The following CCDC14 variants were observed in gnomAD, a reference collection of about 807,000 sequenced individuals.
CCDC14 encodes coiled-coil domain containing 14.
A neutral mutation model predicts 81.4 loss-of-function variants in CCDC14; 71 were observed. That is an observed-to-expected ratio of 0.87 (90% CI 0.72 to 1.06). The LOEUF (loss-of-function observed/expected upper bound fraction) is 1.06, where lower values mean the gene tolerates loss of function less well. CCDC14 is among the 50% of genes least tolerant of loss of function. CCDC14 has a pLI of 0.00. For missense variants in CCDC14, 1,046 were observed against 1,047.3 expected (o/e 1.00, Z 0.02); for synonymous variants, 332 against 364.8 (o/e 0.91, Z 1.03).
intron 9 of CCDC14, among the ~76,000 whole-genome samples, chr3:123,940,134 C>T (rs907041864): frequency 1.3e-5 from 2 of 151,456 alleles, no homozygotes; most frequent in African/African-American, 2.4e-5. Flanking sequence ...AACAGAAAGA[C>T]TTAGGGAAAA....
At chr3:123,937,639 T>G (rs2036123254) in intron 9 of CCDC14, among the ~76,000 whole-genome samples, 2 of 151,950 alleles carry the variant, frequency 1.3e-5, no homozygotes, top group South Asian at 2.1e-4. Context: ...TAATAAGTGT[T>G]TTTTGAAGAA....
chr3:123,956,567 G>T, intron 2 of CCDC14, 140 bp from the exon 3 acceptor site: 1 of 755,726 alleles, frequency 1.3e-6, no homozygotes, highest in South Asian at 2.0e-5. Flanking sequence ...CTGAAGATCA[G>T]AAAGACTGTT....
At chr3:123,931,860 CCCTT>C (rs1355623547) in intron 10 of CCDC14, among the ~76,000 whole-genome samples, 3 of 152,088 alleles carry the variant, frequency 2.0e-5, no homozygotes, top group Non-Finnish European at 2.9e-5. Flanking sequence ...TGAAGAATCT[CCCTT>C]CCACTCCTCC....
intron 9 of CCDC14, among the ~76,000 whole-genome samples, chr3:123,938,690 T>C (rs898003928): frequency 9.9e-5 from 15 of 151,962 alleles, no homozygotes; most frequent in Admixed American, 9.9e-4. Context: ...CTCCAGCATA[T>C]GCAGAGACAA....
Position 123,913,684 on chromosome 3 carries a change from A to C in CCDC14, c.*1095T>G, listed in dbSNP as rs1249238503. 2.0e-6 allele frequency: 2 copies of C among 984,650 alleles called. No homozygotes were observed. Among genetic ancestry groups the C allele is most frequent in the African/African-American group, 1.7e-5 (1 of 57,262 alleles). 61.0% of individuals were successfully genotyped at this position (984,650 alleles called of 1,614,324 possible). A position where few individuals can be genotyped will look rare whatever the true frequency, so the allele number is the denominator to read the frequency against. ...AGCACTAACACCTAAAAAAAAAAAA[A>C]AAACCACCAAAAAAACAAAAAACAC... On this transcript the variant is annotated 3_prime_UTR_variant, in exon 13 of 13. Transcript: ENST00000409697.
At chr3:123,898,649 A>C (rs1344230423) in intron 5 of CCDC14, among the ~76,000 whole-genome samples, 1 of 152,074 alleles carries the variant, frequency 6.6e-6, no homozygotes, top group East Asian at 1.9e-4. Context: ...TGTGAAGTGA[A>C]AAACTTAAGT....
In CCDC14 at chr3:123,956,126, TAA is replaced by T. The variant is rs1055349312; in HGVS notation, c.160-13_160-12del. The T allele has an allele frequency of 6.5e-6, 10 of 1,536,832 alleles. No homozygotes were observed. The highest frequency in any genetic ancestry group is 2.8e-5 in the African/African-American group (2 of 72,176). ...GTGTACAGTTTCAGCCTGTAAGAAA[TAA>T]AGTCATTTAGAATACATTTGTATAT... is the stretch of plus-strand genomic sequence containing the variant. On this transcript the variant is annotated splice_polypyrimidine_tract_variant and intron_variant, in intron 3 of 12. Transcript: ENST00000409697.
At chr3:123,940,365 CT>C (rs2036285153) in intron 9 of CCDC14, among the ~76,000 whole-genome samples, 1 of 151,950 alleles carries the variant, frequency 6.6e-6, no homozygotes, top group Non-Finnish European at 1.5e-5. Context: ...CAATCTCAGT[CT>C]TTCTCCCTGT....
chr3:123,919,329 T>C (rs1203710670), intron 12 of CCDC14, among the ~76,000 whole-genome samples: 1 of 152,162 alleles, frequency 6.6e-6, no homozygotes, highest in Non-Finnish European at 1.5e-5. Flanking sequence ...AGCCTGAGGT[T>C]TTGCCCAGGC....
intron 5 of CCDC14, among the ~76,000 whole-genome samples, chr3:123,951,756 A>G (rs1280614463): frequency 2.0e-5 from 3 of 152,234 alleles, no homozygotes; most frequent in Non-Finnish European, 4.4e-5. Flanking sequence ...GCTGAGCTAC[A>G]TTATGCCTCA....
At chr3:123,890,678 C>T in the CCDC14 span, among the ~76,000 whole-genome samples, 1 of 152,160 alleles carries the variant, frequency 6.6e-6, no homozygotes, top group Non-Finnish European at 1.5e-5. Context: ...TGTGGCTTTG[C>T]AGGATGTAGC....
At chr3:123,899,978 T>C (rs999170915) in intron 5 of CCDC14, among the ~76,000 whole-genome samples, 2 of 152,166 alleles carry the variant, frequency 1.3e-5, no homozygotes, top group African/African-American at 4.8e-5. Flanking sequence ...ATGTCTCTCC[T>C]CTGTGCTCCA....
rs537192179 is a variant in CCDC14, at chr3:123,940,500, T to C, written c.1343+4349A>G. On this transcript the variant is annotated intron_variant, in intron 9 of 12. Coordinates refer to ENST00000409697, the MANE Select transcript of CCDC14 (RefSeq NM_001366335.1). ...GACCTACCTTTGTTCTTGTTGTCTGTTTATTTTAATGCTATGCAAAATCTC... is the reference window on the plus strand; with the variant it reads ...GACCTACCTTTGTTCTTGTTGTCTGCTTATTTTAATGCTATGCAAAATCTC... Among the ~76,000 whole-genome samples the C allele has an allele frequency of 1.9e-3, 289 of 152,084 alleles. 1 individual carries two copies. The highest frequency in any genetic ancestry group is 3.1e-3 in the Non-Finnish European group (208 of 67,914).
chr3:123,943,151 C>CAT (rs1050129642), intron 9 of CCDC14, among the ~76,000 whole-genome samples: 30 of 151,260 alleles, frequency 2.0e-4, no homozygotes, highest in East Asian at 5.8e-4. Context: ...TATACACATA[C>CAT]ATATATATAT....
chr3:123,930,302 G>A lies in CCDC14; in HGVS notation c.1778+800C>T, dbSNP rs780082687. Among the ~76,000 whole-genome samples, 23 of 152,020 alleles carry A rather than the reference G, an allele frequency of 1.5e-4. 1 individual carries two copies. The highest frequency in any genetic ancestry group is 2.9e-4 in the Non-Finnish European group (20 of 67,998). ...GGGGGGAAGTTGAAAATTCAAAATC[G>A]ATCTGTTCATTGGAAACACAAGGAA... On this transcript the variant is annotated intron_variant, in intron 12 of 12. Coordinates refer to ENST00000409697, the MANE Select transcript of CCDC14 (RefSeq NM_001366335.1).
At chr3:123,897,686 G>A in intron 5 of CCDC14, 2 of 726,572 alleles carry the variant, frequency 2.8e-6, no homozygotes, top group Non-Finnish European at 3.6e-6. Context: ...CATTCTATCT[G>A]TCATCCTTCC....
In CCDC14 at chr3:123,913,469, G is replaced by T; in HGVS notation, c.*1310C>A. The T allele has an allele frequency of 1.0e-6, 1 of 980,488 alleles. No homozygotes were observed. Among genetic ancestry groups the T allele is most frequent in the South Asian group, 4.7e-5 (1 of 21,166 alleles). The allele number at this position is 980,488 out of a possible 1,614,324, so 60.7% of individuals were successfully genotyped here. A position where few individuals can be genotyped will look rare whatever the true frequency, so the allele number is the denominator to read the frequency against. On this transcript the variant is annotated 3_prime_UTR_variant, in exon 13 of 13. Transcript: ENST00000409697. Reference sequence around the variant, plus strand: ...TTTATTTCTGAACTTATTTGTTAAAGAGTTGTGGCCTATTACCTCCAAATA... The same window carrying T: ...TTTATTTCTGAACTTATTTGTTAAATAGTTGTGGCCTATTACCTCCAAATA...
Position 123,915,007 on chromosome 3 carries a change from AGTTT to A in CCDC14, c.2486_2489del (p.Gln829LeufsTer16). The A allele has an allele frequency of 6.2e-7, 1 of 1,614,038 alleles. No individual in the cohort carries two copies. ...GACAACCTGATGGGCCATGACATGC[AGTTT>A]GTTCCTCTGGCTCCTTGGTGGCAGC... On this transcript the variant is annotated frameshift_variant, in exon 13 of 13. Coordinates refer to ENST00000409697, the MANE Select transcript of CCDC14 (RefSeq NM_001366335.1). LOFTEE classifies it high-confidence loss of function.
rs1559761688 is a variant in CCDC14 at position 123,915,164 on chromosome 3, C to CA, written c.2332dup (p.Cys778LeufsTer18). ...TGAAGAGGAACAGATTACAGGTGTA[C>CA]ACAGTTTATTTTCTTTTCCAGAGAC... is the stretch of plus-strand genomic sequence containing the variant. On this transcript the variant is annotated frameshift_variant, in exon 13 of 13. Transcript: ENST00000409697. LOFTEE classifies it low-confidence loss of function (END_TRUNC). 6.2e-7 allele frequency: 1 copy of CA among 1,613,892 alleles called. No individual in the cohort carries two copies. Among genetic ancestry groups the CA allele is most frequent in the South Asian group, 1.1e-5 (1 of 91,074 alleles).
Sources: allele counts gnomAD v4.1 joint callset (sites outside exome capture counted in the v4.1 genomes callset), GRCh38; gene constraint gnomAD v4.1.1; transcripts MANE v1.5; gene names NCBI Gene and HGNC (gene_info 2026-07-23, HGNC 2026-07-21).